Variants in PAM observed in about 807,000 individuals in gnomAD.
PAM encodes peptidylglycine alpha-amidating monooxygenase.
A neutral mutation model predicts 122.1 loss-of-function variants in PAM; 72 were observed. That is an observed-to-expected ratio of 0.59 (90% CI 0.49 to 0.72). The LOEUF is 0.72. PAM is among the 30% of genes least tolerant of loss of function. The probability of loss-of-function intolerance (pLI) is 0.00; values close to 1 mark genes in which losing one functional copy is unlikely to be tolerated. For missense variants in PAM, 1,106 were observed against 1,183.7 expected, an observed-to-expected ratio of 0.93 and a Z score of 0.96; for synonymous variants, 389 against 404.4, an observed-to-expected ratio of 0.96 and a Z score of 0.46.
chr5:102,856,178 T>G (rs554074972), intron 1 of PAM, among the ~76,000 whole-genome samples: 1 of 152,238 alleles, frequency 6.6e-6, no homozygotes, highest in African/African-American at 2.4e-5. Context: ...AAGGCAGAGT[T>G]CACAGAAGGT....
chr5:102,811,496 T>A (rs897645349), intron 1 of PAM, among the ~76,000 whole-genome samples: 5 of 152,216 alleles, frequency 3.3e-5, no homozygotes, highest in Admixed American at 6.5e-5. Flanking sequence ...GTCATTAGAT[T>A]GGGCCCACCT....
chr5:102,914,512 A>G (rs969436388), intron 5 of PAM, among the ~76,000 whole-genome samples: 1 of 152,112 alleles, frequency 6.6e-6, no homozygotes, highest in Non-Finnish European at 1.5e-5. Flanking sequence ...CTGAAAATAT[A>G]GATTATTGAT....
intron 7 of PAM, among the ~76,000 whole-genome samples, chr5:102,937,465 A>G (rs1753637168): frequency 6.6e-6 from 1 of 152,152 alleles, no homozygotes; most frequent in African/African-American, 2.4e-5. Context: ...AAGAGGTTGA[A>G]ATGGGCTGAG....
chr5:102,880,005 G>T (rs1196820018), intron 3 of PAM, among the ~76,000 whole-genome samples: 2 of 152,208 alleles, frequency 1.3e-5, no homozygotes, highest in African/African-American at 2.4e-5. Context: ...GACTGGCTGG[G>T]TGCCGTGGCT....
At chr5:102,956,194 T>C (rs2150157903) in intron 12 of PAM, among the ~76,000 whole-genome samples, 1 of 152,198 alleles carries the variant, frequency 6.6e-6, no homozygotes, top group African/African-American at 2.4e-5. Context: ...TTAATATGTC[T>C]CAGAAAATCA....
chr5:102,871,329 G>A (rs1000191966), intron 3 of PAM, among the ~76,000 whole-genome samples: 1 of 152,146 alleles, frequency 6.6e-6, no homozygotes, highest in Non-Finnish European at 1.5e-5. Context: ...TGTGTTCAGG[G>A]AAATGTGAAT....
intron 15 of PAM, among the ~76,000 whole-genome samples, chr5:102,979,385 A>G (rs554005884): frequency 3.7e-4 from 57 of 152,294 alleles, no homozygotes; most frequent in African/African-American, 1.3e-3. Flanking sequence ...TATTTCTACA[A>G]TAGTTTTAGT....
Position 102,789,086 on chromosome 5 carries a change from C to G in PAM, c.-374+33738C>G, listed in dbSNP as rs1761359291. Among the ~76,000 whole-genome samples, 3 of 152,012 alleles carry G rather than the reference C, an allele frequency of 2.0e-5. No homozygotes were observed. The South Asian group carries it at 6.2e-4, about 32-fold the overall frequency. On this transcript the variant is annotated intron_variant, in intron 1 of 25. Transcript: ENST00000438793. ...CATTATTGGGAGTTATACCTTACGT[C>G]ATAGGTATAAACAGTACTTTTGTTT...
chr5:102,914,213 A>G (rs1802429714), intron 5 of PAM, among the ~76,000 whole-genome samples, 192 bp downstream of exon 5: 1 of 152,072 alleles, frequency 6.6e-6, no homozygotes, highest in South Asian at 2.1e-4. Context: ...GAGCATATCT[A>G]TCAGCCTTTG....
chr5:102,990,138 C>A, intron 15 of PAM, 134 bp from the exon 16 acceptor site: 2 of 550,962 alleles, frequency 3.6e-6, no homozygotes, highest in Non-Finnish European at 3.0e-6. Flanking sequence ...TTATGTAGAG[C>A]ACGGCTTGAT....
At chr5:102,938,154 T>A (rs1753890716) in intron 7 of PAM, among the ~76,000 whole-genome samples, 1 of 152,192 alleles carries the variant, frequency 6.6e-6, no homozygotes, top group African/African-American at 2.4e-5. Context: ...AAGAAGCCTA[T>A]TATCCTTCAG....
At chr5:102,883,401 T>C (rs944416732) in intron 3 of PAM, among the ~76,000 whole-genome samples, 8 of 152,090 alleles carry the variant, frequency 5.3e-5, no homozygotes, top group African/African-American at 1.9e-4. Flanking sequence ...AGCAGTGTTT[T>C]GTAGTTTTAC....
intron 1 of PAM, among the ~76,000 whole-genome samples, chr5:102,771,861 G>C (rs1476310854): frequency 6.6e-6 from 1 of 152,140 alleles, no homozygotes; most frequent in African/African-American, 2.4e-5. Flanking sequence ...TGATATGCTA[G>C]AAGGGCTGTG....
chr5:102,879,623 G>A (rs982996344), intron 3 of PAM, among the ~76,000 whole-genome samples: 1 of 151,944 alleles, frequency 6.6e-6, no homozygotes, highest in Admixed American at 6.6e-5. Flanking sequence ...CTCCCCTTTT[G>A]CCATCTGCCA....
intron 9 of PAM, among the ~76,000 whole-genome samples, chr5:102,948,653 T>C (rs1228197250): frequency 6.6e-6 from 1 of 152,140 alleles, no homozygotes; most frequent in African/African-American, 2.4e-5. Flanking sequence ...TTTATTGAGA[T>C]GCTAGGAATT....
At chr5:102,858,471 A>T (rs1255011827) in intron 1 of PAM, among the ~76,000 whole-genome samples, 1 of 152,230 alleles carries the variant, frequency 6.6e-6, no homozygotes, top group Non-Finnish European at 1.5e-5. Context: ...AGAATGGTTC[A>T]GCCCAAAATG....
At chr5:102,967,716 CTTT>C (rs199841427) in intron 14 of PAM, among the ~76,000 whole-genome samples, 4 of 131,046 alleles carry the variant, frequency 3.1e-5, no homozygotes, top group Admixed American at 7.9e-5. Context: ...AAAACTAGGC[CTTT>C]TTTTTTTTTT....
At chr5:102,929,357 A>G (rs1750655918) in intron 7 of PAM, among the ~76,000 whole-genome samples, 1 of 152,218 alleles carries the variant, frequency 6.6e-6, no homozygotes, top group South Asian at 2.1e-4. Flanking sequence ...TTATCTTCTA[A>G]TTATAAAAAA....
intron 4 of PAM, among the ~76,000 whole-genome samples, chr5:102,904,105 C>CT (rs1468529049): frequency 5.9e-5 from 9 of 151,492 alleles, no homozygotes; most frequent in African/African-American, 2.2e-4. Context: ...GTAGCCTATG[C>CT]TTTTTCCATT....
Sources: allele counts gnomAD v4.1 joint callset (sites outside exome capture counted in the v4.1 genomes callset), GRCh38; gene constraint gnomAD v4.1.1; transcripts MANE v1.5; gene names NCBI Gene and HGNC (gene_info 2026-07-23, HGNC 2026-07-21).